The following TAOK3 variants were observed in gnomAD, a reference collection of about 807,000 sequenced individuals.
The protein encoded by TAOK3 is TAO kinase 3.
In TAOK3, 40 loss-of-function variants were observed where a neutral mutation model predicts 120.4. That is an observed-to-expected ratio of 0.33 (90% confidence interval 0.26 to 0.43). The LOEUF (loss-of-function observed/expected upper bound fraction) is 0.43. Ranked by LOEUF, TAOK3 falls within the 20% of genes least tolerant of loss-of-function variation. The pLI, the probability that TAOK3 is intolerant of heterozygous loss-of-function variation, is 1.00. For missense variants in TAOK3, 821 were observed against 1,112.1 expected, an observed-to-expected ratio of 0.74 and a Z score of 3.72; for synonymous variants, 355 against 387.5, an observed-to-expected ratio of 0.92 and a Z score of 0.99.
chr12:118,220,581 T>C (rs2039181392), intron 9 of TAOK3, among the ~76,000 whole-genome samples: 1 of 149,904 alleles, frequency 6.7e-6, no homozygotes, highest in African/African-American at 2.5e-5. Context: ...CTGAATTGCA[T>C]AGGAGAAACA....
intron 13 of TAOK3, among the ~76,000 whole-genome samples, chr12:118,196,145 A>G (rs2037718273): frequency 6.6e-6 from 1 of 152,126 alleles, no homozygotes. Flanking sequence ...AGACCAGAGT[A>G]GAGGCAAGGA....
At chr12:118,196,847 G>A (rs1013235999) in intron 13 of TAOK3, among the ~76,000 whole-genome samples, 4 of 152,036 alleles carry the variant, frequency 2.6e-5, no homozygotes, top group South Asian at 2.1e-4. Context: ...TCTATGCTGC[G>A]CCAGGCACTA....
intron 9 of TAOK3, among the ~76,000 whole-genome samples, chr12:118,219,418 G>C (rs756609465): frequency 1.3e-5 from 2 of 151,910 alleles, no homozygotes; most frequent in Non-Finnish European, 2.9e-5. Flanking sequence ...ATCCTTTCAG[G>C]TTTCATCTCA....
At chr12:118,369,214 A>G (rs1175524432) in intron 1 of TAOK3, among the ~76,000 whole-genome samples, 1 of 152,116 alleles carries the variant, frequency 6.6e-6, no homozygotes, top group East Asian at 1.9e-4. Flanking sequence ...TAAATAAATA[A>G]GCAAGTCAAG....
At chr12:118,351,672 C>A (rs536081076) in intron 1 of TAOK3, among the ~76,000 whole-genome samples, 13 of 152,014 alleles carry the variant, frequency 8.6e-5, no homozygotes, top group Admixed American at 6.6e-4. Context: ...ATAAATATTC[C>A]TATCTTTAAG....
chr12:118,235,806 AGC>A, intron 7 of TAOK3, 135 bp from the exon 8 acceptor site: 1 of 603,684 alleles, frequency 1.7e-6, no homozygotes, highest in Non-Finnish European at 2.9e-6. Flanking sequence ...TTGCTCAGAT[AGC>A]CAGAAGGAGA....
At chr12:118,203,467 G>T (rs1413434039) in intron 11 of TAOK3, among the ~76,000 whole-genome samples, 2 of 152,152 alleles carry the variant, frequency 1.3e-5, no homozygotes, top group Admixed American at 6.5e-5. Flanking sequence ...CACTTTGGGA[G>T]GCTGAGGCGG....
chr12:118,217,720 T>C (rs1167405972), intron 9 of TAOK3, among the ~76,000 whole-genome samples: 2 of 147,948 alleles, frequency 1.4e-5, no homozygotes, highest in African/African-American at 5.0e-5. Flanking sequence ...TGAAATATAG[T>C]AGTCTCTCTC....
At chr12:118,311,096 T>C (rs1201177504) in intron 1 of TAOK3, among the ~76,000 whole-genome samples, 1 of 152,254 alleles carries the variant, frequency 6.6e-6, no homozygotes, top group Non-Finnish European at 1.5e-5. Flanking sequence ...AGGTTTATAC[T>C]GGCCTTTCCT....
At chr12:118,323,196 A>G (rs2043795735) in intron 1 of TAOK3, among the ~76,000 whole-genome samples, 1 of 152,210 alleles carries the variant, frequency 6.6e-6, no homozygotes, top group Admixed American at 6.5e-5. Context: ...AGTAAAACAA[A>G]TTGTAAACCA....
At chr12:118,248,966 A>G (rs1366154360) in intron 3 of TAOK3, among the ~76,000 whole-genome samples, 2 of 152,150 alleles carry the variant, frequency 1.3e-5, no homozygotes, top group Non-Finnish European at 2.9e-5. Context: ...AAAACATGCT[A>G]GATAGAAACT....
intron 1 of TAOK3, among the ~76,000 whole-genome samples, chr12:118,334,981 C>T (rs1444502273): frequency 6.6e-6 from 1 of 151,676 alleles, no homozygotes; most frequent in Non-Finnish European, 1.5e-5. Context: ...GAGTTTGAGA[C>T]CAGCCTGGCC....
intron 5 of TAOK3, among the ~76,000 whole-genome samples, chr12:118,240,155 A>G (rs547629511): frequency 1.3e-5 from 2 of 150,968 alleles, no homozygotes; most frequent in South Asian, 4.2e-4. Context: ...TAAAAGCAAA[A>G]GTGAGAAACC....
chr12:118,348,121 G>A (rs1467862320), intron 1 of TAOK3, among the ~76,000 whole-genome samples: 1 of 151,606 alleles, frequency 6.6e-6, no homozygotes, highest in Non-Finnish European at 1.5e-5. Flanking sequence ...CTGCTGAAAA[G>A]GTATCCACAA....
intron 19 of TAOK3, among the ~76,000 whole-genome samples, chr12:118,159,482 T>C (rs1210977346): frequency 6.6e-6 from 1 of 152,130 alleles, no homozygotes; most frequent in Non-Finnish European, 1.5e-5. Context: ...TTTGTACTTT[T>C]GGTAGAGATG....
At chr12:118,180,429 C>T (rs377633429) in intron 15 of TAOK3, among the ~76,000 whole-genome samples, 2 of 151,804 alleles carry the variant, frequency 1.3e-5, no homozygotes, top group Non-Finnish European at 2.9e-5. Context: ...TTTGTGGAGA[C>T]GGGGTTTTGC....
At chr12:118,201,730 T>C (rs1254079433) in intron 11 of TAOK3, among the ~76,000 whole-genome samples, 1 of 152,196 alleles carries the variant, frequency 6.6e-6, no homozygotes, top group African/African-American at 2.4e-5. Context: ...TATGGCAACA[T>C]GTTTTGATAC....
At chr12:118,198,265 G>A (rs1446276769) in intron 13 of TAOK3, 3 of 151,934 alleles carry the variant, frequency 2.0e-5, no homozygotes, top group Non-Finnish European at 2.9e-5. Flanking sequence ...TACCCCAGCT[G>A]GCTAGCTTCT....
intron 16 of TAOK3, among the ~76,000 whole-genome samples, chr12:118,174,057 C>T (rs1015555404): frequency 2.0e-5 from 3 of 152,078 alleles, no homozygotes; most frequent in African/African-American, 7.2e-5. Flanking sequence ...CTCTTCATGC[C>T]GTGATGTCAC....
Sources: gnomAD v4.1 joint callset for allele counts (sites outside exome capture counted in the v4.1 genomes callset) on GRCh38, gnomAD v4.1.1 for gene constraint, MANE v1.5 for transcripts, NCBI Gene and HGNC (gene_info 2026-07-23, HGNC 2026-07-21) for gene names.